Variants in TENT4B observed in about 807,000 individuals in gnomAD.
The protein encoded by TENT4B is terminal nucleotidyltransferase 4B, also known as PAP associated domain containing 5.
A neutral mutation model predicts 75.0 loss-of-function variants in TENT4B; 10 were observed. The observed-to-expected ratio is 0.13, with a 90% CI of 0.08 to 0.23. The LOEUF (loss-of-function observed/expected upper bound fraction) is 0.23, where lower values mean the gene tolerates loss of function less well. Ranked by LOEUF, TENT4B falls within the 10% of genes least tolerant of loss-of-function variation. The probability of loss-of-function intolerance (pLI) is 1.00; values close to 1 mark genes in which losing one functional copy is unlikely to be tolerated. For missense variants in TENT4B, 579 were observed against 893.8 expected (o/e 0.65, Z 4.49); for synonymous variants, 350 against 357.7 (o/e 0.98, Z 0.24).
chr16:50,221,387 T>C lies in TENT4B; in HGVS notation c.1039-919T>C, dbSNP rs1198801860. ...TGGTTTACAGAGGAGTGAATGAATA[T>C]GTGCACAGCAAAAGGTGGACTCATT... is the stretch of plus-strand genomic sequence containing the variant. On this transcript the variant is annotated intron_variant, in intron 5 of 11. Transcript: ENST00000561678. Among the ~76,000 whole-genome samples the C allele has an allele frequency of 2.0e-5, 3 of 152,200 alleles. No individual in the cohort carries two copies. The East Asian group carries it at 5.8e-4, about 29-fold the overall frequency.
chr16:50,176,490 A>G (rs1266046258), intron 1 of TENT4B, among the ~76,000 whole-genome samples: 1 of 137,618 alleles, frequency 7.3e-6, no homozygotes, highest in African/African-American at 2.7e-5. Flanking sequence ...ATATACCAAT[A>G]ATTCTTTTTT....
rs2031502177 is a variant in TENT4B at position 50,215,474 on chromosome 16, T to G, written c.810-601T>G. Among the ~76,000 whole-genome samples the G allele has an allele frequency of 2.0e-5, 3 of 152,166 alleles. 1 individual carries two copies. The South Asian group carries it at 6.2e-4, about 32-fold the overall frequency. ...CCTTTCTTAAAAAATTTAATTAAAT[T>G]TTATGAATAGGTAGTACATTCACAT... On this transcript the variant is annotated intron_variant, in intron 3 of 11. Coordinates refer to ENST00000561678, the MANE Select transcript of TENT4B (RefSeq NM_001365324.3).
rs1421089709 is a variant in TENT4B, at chr16:50,234,936, AGTG to A, written c.*5609_*5611del. ...TCCTTCTTTGATTAGCATTGTCTTC[AGTG>A]TTAAGAAATGTGGACTCCTGTGAGG... On this transcript the variant is annotated 3_prime_UTR_variant, in exon 12 of 12. Transcript: ENST00000561678. 20 of 985,678 alleles carry A rather than the reference AGTG, an allele frequency of 2.0e-5. No homozygotes were observed. In the African/African-American group the frequency reaches 3.3e-4, roughly 16 times the overall value. 61.1% of individuals were successfully genotyped at this position (985,678 alleles called of 1,614,324 possible). A position where few individuals can be genotyped will look rare whatever the true frequency, so the allele number is the denominator to read the frequency against.
At chr16:50,175,610 G>A (rs1345300630) in intron 1 of TENT4B, among the ~76,000 whole-genome samples, 2 of 151,630 alleles carry the variant, frequency 1.3e-5, no homozygotes, top group Non-Finnish European at 2.9e-5. Context: ...TCAGCCTCCC[G>A]AGTAGCACAT....
At chr16:50,178,895 AT>A (rs2038358669) in intron 1 of TENT4B, among the ~76,000 whole-genome samples, 1 of 152,138 alleles carries the variant, frequency 6.6e-6, no homozygotes, top group Admixed American at 6.5e-5. Context: ...GGTGGTGAGG[AT>A]TGCACAACAG....
At chr16:50,223,763 A>G (rs2031928263) in intron 7 of TENT4B, among the ~76,000 whole-genome samples, 1 of 152,248 alleles carries the variant, frequency 6.6e-6, no homozygotes, top group African/African-American at 2.4e-5. Context: ...CCTGAGAGGC[A>G]GCAAGCATAG....
At chr16:50,173,701 T>G (rs1458127154) in intron 1 of TENT4B, among the ~76,000 whole-genome samples, 1 of 152,190 alleles carries the variant, frequency 6.6e-6, no homozygotes, top group Non-Finnish European at 1.5e-5. Flanking sequence ...GTTGTTGTTG[T>G]GTTGTTCATT....
Position 50,229,311 on chromosome 16 carries a change from T to C in TENT4B, c.2125T>C (p.Ser709Pro), listed in dbSNP as rs376140975. ...GAAACACAAGAGGGACGCGCCCCTC[T>C]CAGACCTCTGTAGATAGTCAGCGCT... The part of the protein sequence containing the change: ...KRKHKRDAPL[S>P]DLCR Residue 709 changes from serine (S) to proline (P), a missense_variant, in exon 12 of 12, where the codon TCA (serine) becomes CCA (proline). Around this residue, in one of 7 missense-constraint regions of TENT4B, gnomAD observed 164 missense variants for 226.5 expected, o/e 0.72. Coordinates refer to ENST00000561678, the MANE Select transcript of TENT4B (RefSeq NM_001365324.3). The C allele has an allele frequency of 6.2e-6, 10 of 1,613,408 alleles. No individual in the cohort carries two copies. Among genetic ancestry groups the C allele is most frequent in the African/African-American group, 1.3e-5 (1 of 74,988 alleles).
chr16:50,198,117 A>ATT (rs1287999215), intron 1 of TENT4B, among the ~76,000 whole-genome samples: 6 of 83,348 alleles, frequency 7.2e-5, no homozygotes, highest in African/African-American at 2.5e-4. Context: ...AGAAAATATA[A>ATT]TTAAAAAAAA....
At chr16:50,217,406 G>T in intron 4 of TENT4B, 150 bp from the exon 5 acceptor site, 1 of 542,686 alleles carries the variant, frequency 1.8e-6, no homozygotes. Flanking sequence ...TAGCAGACCA[G>T]GTTTACTGGG....
At chr16:50,165,003 A>G (rs999372929) in intron 1 of TENT4B, among the ~76,000 whole-genome samples, 9 of 151,858 alleles carry the variant, frequency 5.9e-5, no homozygotes, top group Non-Finnish European at 1.3e-4. Flanking sequence ...GCAGTGAGCT[A>G]AGTTCATGCC....
chr16:50,200,582 G>C (rs1008138322), intron 1 of TENT4B, among the ~76,000 whole-genome samples: 1 of 152,000 alleles, frequency 6.6e-6, no homozygotes, highest in African/African-American at 2.4e-5. Context: ...TATTCTATTA[G>C]GTATATAATG....
intron 1 of TENT4B, among the ~76,000 whole-genome samples, chr16:50,194,216 C>CT (rs5816679): frequency 0.68 from 94,798 of 139,778 alleles, 33,320 homozygotes; most frequent in Non-Finnish European, 0.76. Context: ...TCTTTTCTTT[C>CT]TTTTTTTTTT....
chr16:50,231,008 A>G lies in TENT4B; in HGVS notation c.*1680A>G. The G allele has an allele frequency of 2.0e-6, 2 of 983,538 alleles. No individual in the cohort carries two copies. The highest frequency in any genetic ancestry group is 2.4e-6 in the Non-Finnish European group (2 of 827,820). The allele number at this position is 983,538 out of a possible 1,614,324, so 60.9% of individuals were successfully genotyped here. A position where few individuals can be genotyped will look rare whatever the true frequency, so the allele number is the denominator to read the frequency against. ...TGAAGACCAATCAGACCATTAATGG[A>G]CACTTAGTGTAACTTTTTATAAAGA... is the stretch of plus-strand genomic sequence containing the variant. On this transcript the variant is annotated 3_prime_UTR_variant, in exon 12 of 12. Coordinates refer to ENST00000561678, the MANE Select transcript of TENT4B (RefSeq NM_001365324.3).
At chr16:50,216,290 G>A (rs1277828404) in intron 4 of TENT4B, 95 bp downstream of exon 4, 2 of 1,446,004 alleles carry the variant, frequency 1.4e-6, no homozygotes, top group East Asian at 2.4e-5. Context: ...TGCATTGCAA[G>A]TGAGTGATTC....
intron 2 of TENT4B, among the ~76,000 whole-genome samples, chr16:50,212,182 G>A (rs761391987): frequency 6.6e-6 from 1 of 152,016 alleles, no homozygotes; most frequent in Non-Finnish European, 1.5e-5. Flanking sequence ...TCAGCATCCC[G>A]AGTAGCTGGG....
intron 1 of TENT4B, among the ~76,000 whole-genome samples, chr16:50,201,345 T>C (rs906259647): frequency 6.6e-6 from 1 of 152,092 alleles, no homozygotes; most frequent in African/African-American, 2.4e-5. Flanking sequence ...GAGACCAGCC[T>C]GGCCAACATG....
At chr16:50,160,326 C>A (rs968264945) in intron 1 of TENT4B, among the ~76,000 whole-genome samples, 1 of 151,924 alleles carries the variant, frequency 6.6e-6, no homozygotes, top group African/African-American at 2.4e-5. Flanking sequence ...TTTGTGGACT[C>A]TTTTTTAACA....
Position 50,233,505 on chromosome 16 carries a change from T to G in TENT4B, c.*4177T>G. ...CTTCACACCCTTAGCGACTTTTCTT[T>G]TTTTTTTGGTCAAAGATAATGAGCT... On this transcript the variant is annotated 3_prime_UTR_variant, in exon 12 of 12. Transcript: ENST00000561678. 1 of 985,098 alleles carries G rather than the reference T, an allele frequency of 1.0e-6. No homozygotes were observed. Among genetic ancestry groups the G allele is most frequent in the Non-Finnish European group, 1.2e-6 (1 of 829,638 alleles). The allele number at this position is 985,098 out of a possible 1,614,324, so 61.0% of individuals were successfully genotyped here.
Sources: gnomAD v4.1 joint callset for allele counts (sites outside exome capture counted in the v4.1 genomes callset) on GRCh38, gnomAD v4.1.1 for gene constraint, gnomAD v4.1.1 regional missense constraint, MANE v1.5 for transcripts, NCBI Gene and HGNC (gene_info 2026-07-23, HGNC 2026-07-21) for gene names.